Variants in TES observed in about 807,000 individuals in gnomAD.
TES encodes the protein testin.
TES carries 41 observed loss-of-function variants against 48.2 expected under a neutral mutation model. The ratio of observed to expected loss-of-function variants is 0.85; its 90% CI spans 0.66 to 1.10. TES has a LOEUF of 1.10. Ranked by LOEUF, TES falls within the 50% of genes least tolerant of loss-of-function variation. The pLI is 0.00. For missense variants in TES, 463 were observed against 515.1 expected, an observed-to-expected ratio of 0.90 and a Z score of 0.98; for synonymous variants, 162 against 174.9, an observed-to-expected ratio of 0.93 and a Z score of 0.58.
intron 2 of TES, chr7:116,244,069 T>TG (rs1799888994): frequency 6.6e-6 from 1 of 152,014 alleles, no homozygotes; most frequent in South Asian, 2.1e-4. Context: ...CCACAACACG[T>TG]GGGGATTATG....
chr7:116,252,259 T>G, intron 5 of TES, 59 bp from the exon 6 acceptor site: 1 of 1,511,872 alleles, frequency 6.6e-7, no homozygotes, highest in Non-Finnish European at 8.9e-7. Flanking sequence ...AAGTATGTTG[T>G]TACAGATATA....
chr7:116,254,950 G>T (rs1441719119), intron 6 of TES, among the ~76,000 whole-genome samples: 2 of 151,704 alleles, frequency 1.3e-5, no homozygotes, highest in Non-Finnish European at 2.9e-5. Context: ...ATAAAATTTG[G>T]AGAAGGTTAT....
chr7:116,218,831 T>A (rs1434186573), intron 1 of TES, among the ~76,000 whole-genome samples: 1 of 152,142 alleles, frequency 6.6e-6, no homozygotes, highest in East Asian at 1.9e-4. Flanking sequence ...TAAACAAAAA[T>A]TAATCATTGG....
chr7:116,251,734 G>C, intron 4 of TES, 26 bp from the exon 5 acceptor site: 1 of 1,595,308 alleles, frequency 6.3e-7, no homozygotes, highest in Non-Finnish European at 8.6e-7. Context: ...TAATGACTAG[G>C]TTGTTCTGGA....
At position 116,252,491 on chromosome 7, in the gene TES, A is replaced by G. The variant is rs780236160; in HGVS notation, c.1077+15A>G. 6.2e-7 allele frequency: 1 copy of G among 1,614,186 alleles called. No homozygotes were observed. Among genetic ancestry groups the G allele is most frequent in the Non-Finnish European group, 8.5e-7 (1 of 1,180,022 alleles). On this transcript the variant is annotated intron_variant, in intron 6 of 6. Coordinates refer to ENST00000358204, the MANE Select transcript of TES (RefSeq NM_015641.4). ...ATCACGCTGTGGTGAGAAGTGTTCTAAGGATATGGTTGCCTCAGCCTGCTT... is the reference window on the plus strand; with the variant it reads ...ATCACGCTGTGGTGAGAAGTGTTCTGAGGATATGGTTGCCTCAGCCTGCTT...
intron 2 of TES, among the ~76,000 whole-genome samples, chr7:116,247,956 T>A (rs1261481496): frequency 6.6e-6 from 1 of 152,070 alleles, no homozygotes; most frequent in Non-Finnish European, 1.5e-5. Context: ...TTTTCAAACG[T>A]TTCTCCCTCT....
intron 2 of TES, among the ~76,000 whole-genome samples, chr7:116,247,917 G>T (rs1303154781): frequency 6.6e-6 from 1 of 152,050 alleles, no homozygotes; most frequent in Non-Finnish European, 1.5e-5. Context: ...CCATCACCCA[G>T]GTAGTGACCA....
At chr7:116,238,585 C>CATCATTATTATTATT (rs1554437876) in intron 2 of TES, among the ~76,000 whole-genome samples, 40 of 129,362 alleles carry the variant, frequency 3.1e-4, no homozygotes, top group Non-Finnish European at 4.9e-4. Context: ...CAACATCCAT[C>CATCATTATTATTATT]ATTATTATTA....
At chr7:116,228,998 CTATATATATATATATA>C (rs58514364) in intron 1 of TES, among the ~76,000 whole-genome samples, 5 of 110,158 alleles carry the variant, frequency 4.5e-5, no homozygotes, top group Non-Finnish European at 8.9e-5. Flanking sequence ...GTATCTATAA[CTATATATATATATATA>C]TATATATATA....
At chr7:116,241,181 A>G (rs1293950083) in intron 2 of TES, among the ~76,000 whole-genome samples, 4 of 152,218 alleles carry the variant, frequency 2.6e-5, no homozygotes. Flanking sequence ...TAATAAATGT[A>G]TTGGATTGCT....
At chr7:116,241,522 C>G (rs1799848671) in intron 2 of TES, among the ~76,000 whole-genome samples, 1 of 152,188 alleles carries the variant, frequency 6.6e-6, no homozygotes, top group Non-Finnish European at 1.5e-5. Context: ...CCATCCCACC[C>G]TTCTTGGGTC....
chr7:116,246,903 A>G (rs564266850), intron 2 of TES, among the ~76,000 whole-genome samples: 2 of 146,432 alleles, frequency 1.4e-5, no homozygotes, highest in East Asian at 2.0e-4. Context: ...TTTAATGTCT[A>G]TCTCCCACCA....
intron 1 of TES, among the ~76,000 whole-genome samples, chr7:116,227,304 A>G (rs1198072984): frequency 1.3e-5 from 2 of 149,372 alleles, no homozygotes; most frequent in African/African-American, 4.9e-5. Flanking sequence ...TTTTTTTTTT[A>G]GTAGAAACGG....
chr7:116,225,851 A>T (rs1799615071), intron 1 of TES, among the ~76,000 whole-genome samples: 2 of 152,220 alleles, frequency 1.3e-5, no homozygotes, highest in African/African-American at 4.8e-5. Flanking sequence ...GGGCTTCTTT[A>T]TCAGGGCGTT....
chr7:116,227,655 T>G (rs1165459867), intron 1 of TES, among the ~76,000 whole-genome samples: 2 of 152,098 alleles, frequency 1.3e-5, no homozygotes, highest in Non-Finnish European at 2.9e-5. Context: ...CTAAAATGCT[T>G]CTTTAGGAGT....
intron 2 of TES, chr7:116,243,743 T>C (rs1799883739): frequency 1.3e-5 from 2 of 152,212 alleles, no homozygotes; most frequent in Non-Finnish European, 2.9e-5. Flanking sequence ...AAACTTGGTT[T>C]TATTTTTCAA....
At chr7:116,215,740 G>A (rs1799486821) in intron 1 of TES, among the ~76,000 whole-genome samples, 1 of 152,038 alleles carries the variant, frequency 6.6e-6, no homozygotes, top group East Asian at 1.9e-4. Flanking sequence ...GGATGCTCGT[G>A]GTCTTTTCTC....
intron 1 of TES, among the ~76,000 whole-genome samples, chr7:116,225,036 GGTT>G (rs1271389351): frequency 2.6e-5 from 4 of 151,844 alleles, no homozygotes; most frequent in Non-Finnish European, 4.4e-5. Flanking sequence ...TTTTCCAATA[GGTT>G]GTTGGGGATT....
intron 2 of TES, among the ~76,000 whole-genome samples, chr7:116,242,472 G>A (rs1799860893): frequency 6.6e-6 from 1 of 151,862 alleles, no homozygotes; most frequent in Admixed American, 6.6e-5. Flanking sequence ...TCTGACTAGT[G>A]TGCACAAGGA....
Sources: gnomAD v4.1 joint callset for allele counts (sites outside exome capture counted in the v4.1 genomes callset) on GRCh38, gnomAD v4.1.1 for gene constraint, MANE v1.5 for transcripts, NCBI Gene and HGNC (gene_info 2026-07-23, HGNC 2026-07-21) for gene names.